The following WWOX variants were observed in gnomAD, a reference collection of about 807,000 sequenced individuals.
WWOX encodes the protein WW domain-containing oxidoreductase.
Under a neutral mutation model 46.2 loss-of-function variants are expected in WWOX, and 69 were observed. The observed-to-expected ratio is 1.49, with a 90% CI of 1.23 to 1.82. The LOEUF is 1.82. Among genes scored for constraint, WWOX ranks in the 40% most tolerant of loss-of-function variants. The pLI is 0.00. For missense variants in WWOX, 919 were observed against 542.6 expected (o/e 1.69, Z -6.89); for synonymous variants, 359 against 202.6 (o/e 1.77, Z -6.56).
intron 8 of WWOX, among the ~76,000 whole-genome samples, chr16:78,663,137 AC>A (rs35758973): frequency 0.021 from 3,122 of 152,228 alleles, 69 homozygotes; most frequent in Middle Eastern, 0.034. Flanking sequence ...GAAACCCTGT[AC>A]CCTTCAGCCA....
At chr16:79,042,416 A>ATC (rs1372490326) in intron 8 of WWOX, among the ~76,000 whole-genome samples, 1 of 152,168 alleles carries the variant, frequency 6.6e-6, no homozygotes, top group African/African-American at 2.4e-5. Context: ...GCCAAGAGAC[A>ATC]GAGTCTGTGC....
intron 8 of WWOX, among the ~76,000 whole-genome samples, chr16:78,965,086 G>C (rs1283933176): frequency 1.3e-5 from 2 of 152,240 alleles, no homozygotes; most frequent in Non-Finnish European, 2.9e-5. Context: ...TGCTAGGGCA[G>C]TGCTGAAGGG....
intron 4 of WWOX, among the ~76,000 whole-genome samples, chr16:78,116,789 C>T (rs1205402605): frequency 6.6e-6 from 1 of 152,144 alleles, no homozygotes; most frequent in Non-Finnish European, 1.5e-5. Context: ...AACAAGTTAG[C>T]CAGAAACTTT....
At chr16:78,447,907 G>A (rs1597099060) in intron 8 of WWOX, among the ~76,000 whole-genome samples, 1 of 152,132 alleles carries the variant, frequency 6.6e-6, no homozygotes, top group African/African-American at 2.4e-5. Flanking sequence ...GGGTTTAATC[G>A]ATCCTCCTGC....
At chr16:78,518,932 G>A (rs1316538761) in intron 8 of WWOX, among the ~76,000 whole-genome samples, 1 of 152,216 alleles carries the variant, frequency 6.6e-6, no homozygotes, top group Non-Finnish European at 1.5e-5. Context: ...GTGGTCTTCT[G>A]AAGTATAGGA....
At chr16:78,463,105 C>G (rs1343020099) in intron 8 of WWOX, among the ~76,000 whole-genome samples, 1 of 152,134 alleles carries the variant, frequency 6.6e-6, no homozygotes, top group Non-Finnish European at 1.5e-5. Flanking sequence ...AGATCCGTAT[C>G]CCACTGCAAT....
At chr16:79,127,085 T>C (rs570559860) in intron 8 of WWOX, among the ~76,000 whole-genome samples, 1 of 152,226 alleles carries the variant, frequency 6.6e-6, no homozygotes, top group Non-Finnish European at 1.5e-5. Context: ...TATTTTTGAA[T>C]AGGTAATACT....
chr16:78,109,072 A>G (rs1463779277), intron 2 of WWOX, among the ~76,000 whole-genome samples: 1 of 152,216 alleles, frequency 6.6e-6, no homozygotes, highest in East Asian at 1.9e-4. Context: ...CTATCGTTGC[A>G]GTGTTTATAA....
At position 78,788,262 on chromosome 16, in the gene WWOX, T is replaced by C. The variant is rs368070759; in HGVS notation, c.1056+355510T>C. On this transcript the variant is annotated intron_variant, in intron 8 of 8. Transcript: ENST00000566780. ...CATTTACTCCTGTGGTGTTATGATA[T>C]ATATAGGGTTCCTGGCTCATAACTC... Among the ~76,000 whole-genome samples the C allele has an allele frequency of 7.7e-4, 117 of 152,358 alleles. 1 individual carries two copies. The South Asian group carries it at 0.023, about 30-fold the overall frequency.
At chr16:79,133,988 C>T (rs1421874634) in intron 8 of WWOX, among the ~76,000 whole-genome samples, 3 of 151,988 alleles carry the variant, frequency 2.0e-5, no homozygotes, top group Non-Finnish European at 4.4e-5. Context: ...AATATGTGAG[C>T]CAGGATCTCA....
At chr16:78,700,575 A>G (rs2048192737) in intron 8 of WWOX, among the ~76,000 whole-genome samples, 1 of 152,216 alleles carries the variant, frequency 6.6e-6, no homozygotes, top group Non-Finnish European at 1.5e-5. Flanking sequence ...CACAGGCAGG[A>G]AACCCACCAG....
chr16:78,107,114 C>A (rs1038977939), intron 1 of WWOX, among the ~76,000 whole-genome samples: 3 of 152,204 alleles, frequency 2.0e-5, no homozygotes, highest in African/African-American at 7.2e-5. Context: ...AGAATGTTCA[C>A]ATCTTATCAT....
chr16:79,196,788 A>G (rs1412921458), intron 8 of WWOX, among the ~76,000 whole-genome samples: 1 of 151,904 alleles, frequency 6.6e-6, no homozygotes, highest in Non-Finnish European at 1.5e-5. Flanking sequence ...GAGATGTTCT[A>G]TTTTCAAGGA....
At chr16:78,681,154 C>G (rs529927844) in intron 8 of WWOX, among the ~76,000 whole-genome samples, 18 of 152,182 alleles carry the variant, frequency 1.2e-4, no homozygotes, top group African/African-American at 3.9e-4. Context: ...GAGGCTGAGG[C>G]AGGAGAATCA....
chr16:78,739,194 G>T (rs985373828), intron 8 of WWOX, among the ~76,000 whole-genome samples: 5 of 151,956 alleles, frequency 3.3e-5, no homozygotes, highest in African/African-American at 1.2e-4. Flanking sequence ...GGATTCTTAA[G>T]TACCCGGCTA....
chr16:78,369,005 A>T (rs1480471953), intron 5 of WWOX, among the ~76,000 whole-genome samples: 1 of 149,876 alleles, frequency 6.7e-6, no homozygotes, highest in Non-Finnish European at 1.5e-5. Flanking sequence ...TCCCCTTCTT[A>T]TCTAATCCCC....
chr16:79,037,104 A>G (rs1222575456), intron 8 of WWOX, among the ~76,000 whole-genome samples: 2 of 152,156 alleles, frequency 1.3e-5, no homozygotes, highest in African/African-American at 4.8e-5. Context: ...CTTTACAGCA[A>G]TGGTTTTCAG....
chr16:78,115,216 G>C lies in WWOX; in HGVS notation c.409+62G>C. ...CTATAATGAGATCCACTTAGATCTA[G>C]CTATAATGGAATTTTGTTTAGTGGT... On this transcript the variant is annotated intron_variant, in intron 4 of 8. Coordinates refer to ENST00000566780, the MANE Select transcript of WWOX (RefSeq NM_016373.4). 1.9e-6 allele frequency: 3 copies of C among 1,595,214 alleles called. No homozygotes were observed. In the East Asian group the frequency reaches 6.7e-5, roughly 36 times the overall value.
intron 8 of WWOX, among the ~76,000 whole-genome samples, chr16:79,200,154 T>A (rs890902243): frequency 7.9e-5 from 12 of 152,184 alleles, no homozygotes; most frequent in Non-Finnish European, 1.2e-4. Flanking sequence ...TTCTGGTCTG[T>A]ACTGTTCAAA....
Sources: gnomAD v4.1 joint callset for allele counts (sites outside exome capture counted in the v4.1 genomes callset) on GRCh38, gnomAD v4.1.1 for gene constraint, MANE v1.5 for transcripts, NCBI Gene and HGNC (gene_info 2026-07-23, HGNC 2026-07-21) for gene names.